PPM1L: variants seen among roughly 807,000 people sequenced by gnomAD.
The protein encoded by PPM1L is protein phosphatase 1L.
A neutral mutation model predicts 31.4 loss-of-function variants in PPM1L; 13 were observed. The observed-to-expected ratio is 0.41, with a 90% CI of 0.27 to 0.66. The LOEUF (loss-of-function observed/expected upper bound fraction) is 0.66, where lower values mean the gene tolerates loss of function less well. Among genes scored for constraint, PPM1L ranks in the 30% least tolerant of loss-of-function variants. PPM1L has a pLI of 0.29. For synonymous variants in PPM1L, 184 were observed against 175.4 expected (o/e 1.05, Z -0.39); for missense variants, 326 against 453.7 (o/e 0.72, Z 2.56).
intron 1 of PPM1L, among the ~76,000 whole-genome samples, chr3:160,909,910 C>A (rs1713895727): frequency 6.6e-6 from 1 of 152,126 alleles, no homozygotes; most frequent in Non-Finnish European, 1.5e-5. Context: ...AGAAGTAGCT[C>A]TGGGTTTCTG....
intron 2 of PPM1L, among the ~76,000 whole-genome samples, chr3:161,011,098 A>G (rs994402298): frequency 1.3e-5 from 2 of 152,154 alleles, no homozygotes; most frequent in African/African-American, 4.8e-5. Context: ...GCCCATGCCT[A>G]TGTCCTGAAT....
chr3:160,910,189 C>T (rs1166448654), intron 1 of PPM1L, among the ~76,000 whole-genome samples: 2 of 133,274 alleles, frequency 1.5e-5, no homozygotes, highest in African/African-American at 2.8e-5. Flanking sequence ...CCTTCCCCTT[C>T]CCCTTCCCCT....
intron 1 of PPM1L, among the ~76,000 whole-genome samples, chr3:160,840,221 C>T (rs1713830375): frequency 6.6e-6 from 1 of 152,128 alleles, no homozygotes. Context: ...TTACCAAGTG[C>T]AGCCTTAAGA....
chr3:160,936,879 A>G (rs1222854097), intron 1 of PPM1L, among the ~76,000 whole-genome samples: 1 of 152,214 alleles, frequency 6.6e-6, no homozygotes, highest in African/African-American at 2.4e-5. Context: ...GTTTGATATA[A>G]TAATTCTAAA....
chr3:160,899,902 C>T (rs925752635), intron 1 of PPM1L, among the ~76,000 whole-genome samples: 13 of 152,172 alleles, frequency 8.5e-5, no homozygotes, highest in African/African-American at 3.1e-4. Flanking sequence ...TTATTTGAAT[C>T]TTCACATATT....
At chr3:161,034,003 G>GTATCCTT (rs1473094263) in intron 2 of PPM1L, among the ~76,000 whole-genome samples, 1 of 151,790 alleles carries the variant, frequency 6.6e-6, no homozygotes, top group Non-Finnish European at 1.5e-5. Flanking sequence ...CAAGAAAAAA[G>GTATCCTT]CAAACAACCC....
intron 1 of PPM1L, among the ~76,000 whole-genome samples, chr3:160,921,180 T>G (rs911252750): frequency 1.3e-5 from 2 of 152,200 alleles, no homozygotes; most frequent in African/African-American, 4.8e-5. Context: ...TCTTTCCTCC[T>G]GCGTAACTGT....
rs71302254 is a variant in PPM1L at position 160,756,790 on chromosome 3, T to TGTGTGTGC, written c.399+83_399+84insGTGTGTGC. Reference sequence around the variant, plus strand: ...GTGTGTGTGTGTGTGTGTGTGTGTGTATAAACAACAGGACAGCGTGTGCGC... The same window carrying TGTGTGTGC: ...GTGTGTGTGTGTGTGTGTGTGTGTGTGTGTGTGCATAAACAACAGGACAGCGTGTGCGC... On this transcript the variant is annotated intron_variant, in intron 1 of 3. Transcript: ENST00000498165. This position sits in a 1 kb window ranked among gnomAD's most constrained non-coding sequence, Gnocchi z 6.2. The TGTGTGTGC allele has an allele frequency of 1.5e-6, 2 of 1,361,736 alleles. No individual in the cohort carries two copies. The highest frequency in any genetic ancestry group is 1.6e-5 in the African/African-American group (1 of 64,092). 84.4% of individuals were successfully genotyped at this position (1,361,736 alleles called of 1,614,324 possible).
chr3:160,818,210 G>A (rs1022207172), intron 1 of PPM1L, among the ~76,000 whole-genome samples: 2 of 151,930 alleles, frequency 1.3e-5, no homozygotes, highest in South Asian at 2.1e-4. Flanking sequence ...GAGCAGTATC[G>A]AACACAAAAG....
rs1466517323 is a variant in PPM1L, at chr3:161,072,776, T to G, written c.*3619T>G. 3.3e-5 allele frequency: 5 copies of G among 152,188 alleles called. No individual in the cohort carries two copies. The highest frequency in any genetic ancestry group is 1.2e-4 in the African/African-American group (5 of 41,434). 9.4% of individuals were successfully genotyped at this position (152,188 alleles called of 1,614,324 possible). ...CTCTTGCAACTGTGTCAATGAAAGGTCTGTGTTTAGAAAAGGCAGCATATC... is the reference window on the plus strand; with the variant it reads ...CTCTTGCAACTGTGTCAATGAAAGGGCTGTGTTTAGAAAAGGCAGCATATC... On this transcript the variant is annotated 3_prime_UTR_variant, in exon 4 of 4. Transcript: ENST00000498165.
chr3:160,960,298 A>T (rs895633133), intron 1 of PPM1L, among the ~76,000 whole-genome samples: 2 of 152,190 alleles, frequency 1.3e-5, no homozygotes, highest in Non-Finnish European at 2.9e-5. Context: ...TATATCTTAT[A>T]TAGTGTTCAA....
intron 2 of PPM1L, among the ~76,000 whole-genome samples, chr3:161,053,801 C>T (rs924771965): frequency 6.6e-6 from 1 of 152,092 alleles, no homozygotes; most frequent in Non-Finnish European, 1.5e-5. Flanking sequence ...CCAAAGTATA[C>T]CTAAATCTAG....
rs1713415658 is a variant in PPM1L, at chr3:160,828,304, T to C, written c.399+71597T>C. On this transcript the variant is annotated intron_variant, in intron 1 of 3. Transcript: ENST00000498165. The stretch of plus-strand genomic sequence containing the variant: ...CTTGCTTGACCATATTTACCAAACC[T>C]TAAAGTCATGACAGCTGATCTAAGA... Among the ~76,000 whole-genome samples the C allele has an allele frequency of 3.9e-5, 6 of 152,190 alleles. No individual in the cohort carries two copies. In the South Asian group the frequency reaches 1.2e-3, roughly 32 times the overall value.
chr3:161,016,982 T>C (rs907813306), intron 2 of PPM1L, among the ~76,000 whole-genome samples: 23 of 152,206 alleles, frequency 1.5e-4, no homozygotes, highest in East Asian at 5.8e-4. Flanking sequence ...CTTCTTTTTT[T>C]TTCTTCTTCT....
chr3:160,966,954 G>A (rs1716169705), intron 2 of PPM1L, among the ~76,000 whole-genome samples: 1 of 152,028 alleles, frequency 6.6e-6, no homozygotes, highest in Non-Finnish European at 1.5e-5. Context: ...TATTAATCCA[G>A]TCAGCCTGTG....
chr3:160,817,967 A>G (rs150940118), intron 1 of PPM1L, among the ~76,000 whole-genome samples: 159 of 152,138 alleles, frequency 1.0e-3, no homozygotes, highest in Admixed American at 2.3e-3. Flanking sequence ...AAAACCATGG[A>G]ATACAGTCTA....
intron 2 of PPM1L, among the ~76,000 whole-genome samples, chr3:161,045,837 C>A (rs144756931): frequency 1.3e-5 from 2 of 151,864 alleles, no homozygotes; most frequent in African/African-American, 2.4e-5. Flanking sequence ...GAGGGCCAGG[C>A]GTGGTGGCTC....
chr3:161,063,302 A>C (rs1719628143), intron 2 of PPM1L, among the ~76,000 whole-genome samples: 1 of 152,124 alleles, frequency 6.6e-6, no homozygotes, highest in Non-Finnish European at 1.5e-5. Flanking sequence ...CTTTTTAAAA[A>C]TTGTTTTGAT....
chr3:160,881,912 G>T (rs994526363), intron 1 of PPM1L, among the ~76,000 whole-genome samples: 1 of 152,140 alleles, frequency 6.6e-6, no homozygotes, highest in Non-Finnish European at 1.5e-5. Flanking sequence ...TTAGCCGGGC[G>T]TGGTAACAGG....
Sources: gnomAD v4.1 joint callset for allele counts (sites outside exome capture counted in the v4.1 genomes callset) on GRCh38, gnomAD v4.1.1 for gene constraint, Gnocchi (gnomAD v3.1) non-coding constraint, MANE v1.5 for transcripts, NCBI Gene and HGNC (gene_info 2026-07-23, HGNC 2026-07-21) for gene names.